Variants in ELFN2 observed in about 807,000 individuals in gnomAD.
The protein encoded by ELFN2 is protein phosphatase 1 regulatory subunit 29.
Under a neutral mutation model 45.5 loss-of-function variants are expected in ELFN2, and 17 were observed. The observed-to-expected ratio is 0.37, with a 90% CI of 0.26 to 0.56. The LOEUF (loss-of-function observed/expected upper bound fraction) is 0.56. Ranked by LOEUF, ELFN2 falls within the 20% of genes least tolerant of loss-of-function variation. The pLI, the probability that ELFN2 is intolerant of heterozygous loss-of-function variation, is 0.77. For synonymous variants in ELFN2, 550 were observed against 551.5 expected (o/e 1.00, Z 0.04); for missense variants, 922 against 1,183.2 (o/e 0.78, Z 3.24).
intron 2 of ELFN2, among the ~76,000 whole-genome samples, chr22:37,387,752 T>A (rs1196325698): frequency 6.6e-6 from 1 of 151,952 alleles, no homozygotes; most frequent in Non-Finnish European, 1.5e-5. Context: ...GATGTCCTGG[T>A]CCCTGCTCAC....
chr22:37,348,540 A>G (rs1000624497), intron 1 of ELFN2, among the ~76,000 whole-genome samples: 1 of 150,768 alleles, frequency 6.6e-6, no homozygotes, highest in Admixed American at 6.6e-5. Context: ...ATGGCCTTGC[A>G]GGGAAAAGCA....
chr22:37,349,470 C>T (rs1930774766), intron 1 of ELFN2, among the ~76,000 whole-genome samples: 1 of 151,292 alleles, frequency 6.6e-6, no homozygotes, highest in African/African-American at 2.4e-5. Context: ...GGGCCCTGCC[C>T]ACACCCACCT....
rs1031455885 is a variant in ELFN2 at position 37,372,995 on chromosome 22, G to A, written c.*77C>T. ...GCCTTGGCCCCCGAGTCTGCTCCCC[G>A]CCCTGGCCGCCTGGACCCTTCCCCC... On this transcript the variant is annotated 3_prime_UTR_variant, in exon 3 of 3. Transcript: ENST00000402918. This position sits in a 1 kb window ranked among gnomAD's most constrained non-coding sequence, Gnocchi z 4.4. The A allele has an allele frequency of 7.3e-5, 108 of 1,489,628 alleles. No individual in the cohort carries two copies. Among genetic ancestry groups the A allele is most frequent in the South Asian group, 2.8e-4 (21 of 74,536 alleles). 92.3% of individuals were successfully genotyped at this position (1,489,628 alleles called of 1,614,324 possible).
chr22:37,415,690 C>T (rs1372757477), intron 2 of ELFN2, among the ~76,000 whole-genome samples: 3 of 152,092 alleles, frequency 2.0e-5, no homozygotes, highest in South Asian at 4.1e-4. Flanking sequence ...GGGCCAGGCG[C>T]GGTGGCTCAC....
At chr22:37,364,835 A>C (rs1278110094), downstream of ELFN2, among the ~76,000 whole-genome samples, 1 of 152,172 alleles carries the variant, frequency 6.6e-6, no homozygotes, top group Non-Finnish European at 1.5e-5. Flanking sequence ...GGTGGGCCCC[A>C]GGCTGCCCCC....
intron 2 of ELFN2, among the ~76,000 whole-genome samples, chr22:37,386,971 T>C (rs1208358764): frequency 6.6e-6 from 1 of 152,202 alleles, no homozygotes; most frequent in South Asian, 2.1e-4. Flanking sequence ...TGGAGGGGGA[T>C]GGCCACAGGC....
At chr22:37,424,553 C>T (rs1045573413) in intron 1 of ELFN2, among the ~76,000 whole-genome samples, 3 of 151,680 alleles carry the variant, frequency 2.0e-5, no homozygotes, top group African/African-American at 4.9e-5. Flanking sequence ...AGACTCTTGG[C>T]CTTGGGCTCA....
intron 1 of ELFN2, among the ~76,000 whole-genome samples, chr22:37,355,508 T>G (rs11912415): frequency 0.014 from 2,196 of 152,300 alleles, 54 homozygotes; most frequent in African/African-American, 0.05. Flanking sequence ...CGTCCTAGGC[T>G]TCCTCTCATT....
intron 1 of ELFN2, among the ~76,000 whole-genome samples, chr22:37,360,925 T>C (rs1931070216): frequency 6.6e-6 from 1 of 152,106 alleles, no homozygotes; most frequent in African/African-American, 2.4e-5. Flanking sequence ...TCCCCTCTAG[T>C]GCTATGTGAT....
chr22:37,379,363 C>T (rs1268753764), intron 2 of ELFN2, among the ~76,000 whole-genome samples: 1 of 152,152 alleles, frequency 6.6e-6, no homozygotes, highest in East Asian at 1.9e-4. Flanking sequence ...GCGCAGAGGC[C>T]TCTTCTGCCC....
downstream of ELFN2, among the ~76,000 whole-genome samples, chr22:37,366,418 C>T (rs1015691083): frequency 6.6e-6 from 1 of 152,236 alleles, no homozygotes; most frequent in Non-Finnish European, 1.5e-5. Context: ...CCGGCAGAGG[C>T]AGCTGAGGGG....
At chr22:37,355,868 G>T (rs1324962904) in intron 1 of ELFN2, among the ~76,000 whole-genome samples, 2 of 152,176 alleles carry the variant, frequency 1.3e-5, no homozygotes, top group African/African-American at 2.4e-5. Context: ...CTACCTATTT[G>T]CCAGCAAACC....
At position 37,373,402 on chromosome 22, in the gene ELFN2, G is replaced by A; in HGVS notation, c.2133C>T (p.Ser711=). Reference sequence around the variant, plus strand: ...CCTCCTCGTAGTACAGGGCGGGAAAGCTGTGCCGGTGCTCGCTGCAGTGGT... The same window carrying A: ...CCTCCTCGTAGTACAGGGCGGGAAAACTGTGCCGGTGCTCGCTGCAGTGGT... ...PAYHCSEHRH[S]FPALYYEEGA... The change falls in exon 3 of 3, where the codon AGC becomes AGT. Residue 711 remains serine, a synonymous_variant. Transcript: ENST00000402918. The A allele has an allele frequency of 6.2e-7, 1 of 1,600,826 alleles. No individual in the cohort carries two copies. Among genetic ancestry groups the A allele is most frequent in the Non-Finnish European group, 8.5e-7 (1 of 1,174,674 alleles).
Position 37,369,542 on chromosome 22 carries a change from C to T in ELFN2, c.*3530G>A, listed in dbSNP as rs41304683. 0.017 allele frequency: 2,524 copies of T among 152,344 alleles called. 33 individuals are homozygous for T. The highest frequency in any genetic ancestry group is 0.085 in the Middle Eastern group (25 of 294). 9.4% of individuals were successfully genotyped at this position (152,344 alleles called of 1,614,324 possible). A position where few individuals can be genotyped will look rare whatever the true frequency, so the allele number is the denominator to read the frequency against. On this transcript the variant is annotated 3_prime_UTR_variant, in exon 3 of 3. Coordinates refer to ENST00000402918, the MANE Select transcript of ELFN2 (RefSeq NM_052906.5). ...GGAAAAGCAAGGCCGGGACCCGTGA[C>T]GAGGTTTCCCCACCAACCAGGCTTT...
chr22:37,384,038 C>T (rs143901019), intron 2 of ELFN2, among the ~76,000 whole-genome samples: 105 of 152,196 alleles, frequency 6.9e-4, no homozygotes, highest in African/African-American at 2.4e-3. Context: ...CTGTCACCTG[C>T]CCACCGTGTC....
At chr22:37,378,479 G>A (rs1406574450) in intron 2 of ELFN2, among the ~76,000 whole-genome samples, 5 of 152,228 alleles carry the variant, frequency 3.3e-5, no homozygotes, top group Non-Finnish European at 7.3e-5. Context: ...GAGCGTGGAG[G>A]GGCATGGGAG....
At chr22:37,382,797 C>A (rs550208335) in intron 2 of ELFN2, among the ~76,000 whole-genome samples, 97 of 152,282 alleles carry the variant, frequency 6.4e-4, no homozygotes, top group African/African-American at 2.2e-3. Flanking sequence ...AGCGATCCAC[C>A]CGCCCACGAC....
chr22:37,393,706 C>A (rs989442710), intron 2 of ELFN2, among the ~76,000 whole-genome samples: 3 of 152,172 alleles, frequency 2.0e-5, no homozygotes, highest in Admixed American at 2.0e-4. Context: ...GCTGGCTCTG[C>A]ACCCAGGCCT....
intron 1 of ELFN2, among the ~76,000 whole-genome samples, chr22:37,346,286 G>C (rs1162759965): frequency 1.3e-5 from 2 of 152,154 alleles, no homozygotes; most frequent in African/African-American, 4.8e-5. Flanking sequence ...CCCCAGGAAG[G>C]GCTGGCATTG....
Sources: gnomAD v4.1 joint callset for allele counts (sites outside exome capture counted in the v4.1 genomes callset) on GRCh38, gnomAD v4.1.1 for gene constraint, Gnocchi (gnomAD v3.1) non-coding constraint, MANE v1.5 for transcripts, NCBI Gene and HGNC (gene_info 2026-07-23, HGNC 2026-07-21) for gene names.